Variants in LRRTM4 observed in about 807,000 individuals in gnomAD.
The protein encoded by LRRTM4 is leucine rich repeat transmembrane neuronal 4.
A neutral mutation model predicts 47.6 loss-of-function variants in LRRTM4; 25 were observed. The observed-to-expected ratio is 0.53, with a 90% CI of 0.38 to 0.73. LRRTM4 has a LOEUF of 0.73. Ranked by LOEUF, LRRTM4 falls within the 30% of genes least tolerant of loss-of-function variation. LRRTM4 has a pLI of 0.00. For missense variants in LRRTM4, 638 were observed against 713.4 expected, an observed-to-expected ratio of 0.89 and a Z score of 1.20; for synonymous variants, 311 against 269.5, an observed-to-expected ratio of 1.15 and a Z score of -1.51.
intron 3 of LRRTM4, among the ~76,000 whole-genome samples, chr2:76,870,064 T>C (rs1047142975): frequency 3.3e-5 from 5 of 152,150 alleles, no homozygotes; most frequent in Non-Finnish European, 5.9e-5. Flanking sequence ...ATTAACAGTC[T>C]TGTCCTTTGA....
At chr2:76,815,552 A>G (rs1670874730) in intron 3 of LRRTM4, among the ~76,000 whole-genome samples, 1 of 152,130 alleles carries the variant, frequency 6.6e-6, no homozygotes, top group Admixed American at 6.6e-5. Flanking sequence ...AGTGCTATGC[A>G]AAGTTAGTAA....
intron 3 of LRRTM4, among the ~76,000 whole-genome samples, chr2:77,075,772 G>A (rs11126582): frequency 0.39 from 58,064 of 147,024 alleles, 13,442 homozygotes; most frequent in East Asian, 0.68. Context: ...AAAATTAGCC[G>A]GGCGTAGTGG....
At chr2:77,005,279 G>A (rs191995936) in intron 3 of LRRTM4, among the ~76,000 whole-genome samples, 114 of 152,142 alleles carry the variant, frequency 7.5e-4, no homozygotes, top group African/African-American at 2.2e-3. Context: ...TGAGTAGCTG[G>A]GATTATACAT....
At chr2:76,992,727 T>C (rs1677052635) in intron 3 of LRRTM4, among the ~76,000 whole-genome samples, 2 of 151,486 alleles carry the variant, frequency 1.3e-5, no homozygotes, top group Non-Finnish European at 3.0e-5. Flanking sequence ...TCAATGCTAT[T>C]CCTATCAAAA....
chr2:77,049,259 G>C (rs530648781), intron 3 of LRRTM4, among the ~76,000 whole-genome samples: 1 of 149,486 alleles, frequency 6.7e-6, no homozygotes, highest in African/African-American at 2.5e-5. Flanking sequence ...TACAATAAAC[G>C]TGGGAATGCA....
At chr2:77,124,567 C>G (rs1238352324) in intron 3 of LRRTM4, among the ~76,000 whole-genome samples, 1 of 152,136 alleles carries the variant, frequency 6.6e-6, no homozygotes, top group African/African-American at 2.4e-5. Flanking sequence ...CTCTTGGTAT[C>G]AAAGTCACAT....
chr2:76,799,059 C>A (rs1318935303), intron 3 of LRRTM4, among the ~76,000 whole-genome samples: 37 of 149,096 alleles, frequency 2.5e-4, no homozygotes, highest in Middle Eastern at 3.4e-3. Flanking sequence ...TGAAACTATT[C>A]CAATCAATAG....
chr2:76,790,867 A>G (rs1322400775), intron 3 of LRRTM4, among the ~76,000 whole-genome samples: 5 of 152,208 alleles, frequency 3.3e-5, no homozygotes, highest in Non-Finnish European at 1.5e-5. Flanking sequence ...GATGTAGGCA[A>G]TGATGCTGTC....
intron 3 of LRRTM4, among the ~76,000 whole-genome samples, chr2:77,501,525 C>T (rs540808486): frequency 2.0e-5 from 3 of 150,640 alleles, no homozygotes; most frequent in Non-Finnish European, 4.5e-5. Context: ...AAATAAAAAG[C>T]ATGAGACTAT....
At chr2:76,868,068 C>T (rs1332089411) in intron 3 of LRRTM4, among the ~76,000 whole-genome samples, 1 of 152,068 alleles carries the variant, frequency 6.6e-6, no homozygotes, top group Non-Finnish European at 1.5e-5. Flanking sequence ...GATGTTCCGT[C>T]CTACACAGGA....
intron 3 of LRRTM4, among the ~76,000 whole-genome samples, chr2:77,220,435 G>A (rs760769959): frequency 3.9e-5 from 6 of 152,106 alleles, no homozygotes; most frequent in Non-Finnish European, 8.8e-5. Flanking sequence ...TCGAACCAAT[G>A]GCAAAGAAGT....
intron 3 of LRRTM4, among the ~76,000 whole-genome samples, chr2:77,084,287 G>C (rs1001267293): frequency 2.0e-5 from 3 of 152,112 alleles, no homozygotes; most frequent in South Asian, 2.1e-4. Context: ...GTGATGGCTA[G>C]GCTAGTTGCA....
intron 3 of LRRTM4, among the ~76,000 whole-genome samples, chr2:76,793,972 C>T (rs1413083934): frequency 6.6e-6 from 1 of 152,122 alleles, no homozygotes; most frequent in Non-Finnish European, 1.5e-5. Context: ...AACAATGTCC[C>T]ACTTACATTT....
At chr2:77,414,981 T>C (rs1395705240) in intron 3 of LRRTM4, among the ~76,000 whole-genome samples, 1 of 152,204 alleles carries the variant, frequency 6.6e-6, no homozygotes, top group Non-Finnish European at 1.5e-5. Flanking sequence ...TAGCCTCTAA[T>C]GTCCTACTGA....
At chr2:77,502,293 T>A (rs187979817) in intron 3 of LRRTM4, among the ~76,000 whole-genome samples, 2 of 151,472 alleles carry the variant, frequency 1.3e-5, no homozygotes, top group South Asian at 2.1e-4. Context: ...ATAAATTTTT[T>A]AAATTTTTGC....
chr2:77,228,444 T>C (rs1674873937), intron 3 of LRRTM4, among the ~76,000 whole-genome samples: 1 of 152,082 alleles, frequency 6.6e-6, no homozygotes, highest in Admixed American at 6.6e-5. Flanking sequence ...TTACATAAGC[T>C]CCAGTGAATG....
rs143621625 is a variant in LRRTM4, at chr2:76,975,431, T to G, written c.1552-226515A>C. ...ATTTATTTATTTATTTATTTATTATTTATTTTAAGGAAAATCTGAGAATTG... is the reference window on the plus strand; with the variant it reads ...ATTTATTTATTTATTTATTTATTATGTATTTTAAGGAAAATCTGAGAATTG... On this transcript the variant is annotated intron_variant, in intron 3 of 3. Transcript: ENST00000409884. Among the ~76,000 whole-genome samples, 581 of 151,474 alleles carry G rather than the reference T, an allele frequency of 3.8e-3. 1 individual carries two copies. Among genetic ancestry groups the G allele is most frequent in the African/African-American group, 0.013 (556 of 41,502 alleles).
intron 3 of LRRTM4, among the ~76,000 whole-genome samples, chr2:76,854,042 AG>A (rs1284675907): frequency 6.6e-6 from 1 of 152,164 alleles, no homozygotes; most frequent in Non-Finnish European, 1.5e-5. Flanking sequence ...CTCTTCCTTC[AG>A]TAGCAGTCAC....
chr2:77,357,338 T>A (rs1264979856), intron 3 of LRRTM4, among the ~76,000 whole-genome samples: 1 of 152,286 alleles, frequency 6.6e-6, no homozygotes, highest in East Asian at 1.9e-4. Context: ...CCTTTTTCTA[T>A]TTCCCACAAT....
Sources: gnomAD v4.1 joint callset for allele counts (sites outside exome capture counted in the v4.1 genomes callset) on GRCh38, gnomAD v4.1.1 for gene constraint, MANE v1.5 for transcripts, NCBI Gene and HGNC (gene_info 2026-07-23, HGNC 2026-07-21) for gene names.